Variants in DLC1 observed in about 807,000 individuals in gnomAD.
The protein encoded by DLC1 is rho GTPase-activating protein 7.
In DLC1, 54 loss-of-function variants were observed where a neutral mutation model predicts 140.3. The ratio of observed to expected loss-of-function variants is 0.38; its 90% CI spans 0.31 to 0.48. The LOEUF (loss-of-function observed/expected upper bound fraction) is 0.48. Among genes scored for constraint, DLC1 ranks in the 20% least tolerant of loss-of-function variants. DLC1 has a pLI of 0.96. For missense variants in DLC1, 2,536 were observed against 1,907.0 expected (o/e 1.33, Z -6.14); for synonymous variants, 986 against 728.1 (o/e 1.35, Z -5.70).
intron 5 of DLC1, among the ~76,000 whole-genome samples, chr8:13,159,696 G>C (rs184538950): frequency 6.0e-4 from 91 of 152,174 alleles, no homozygotes; most frequent in African/African-American, 2.0e-3. Flanking sequence ...CTCTCCAGAC[G>C]GCATCCAGGG....
chr8:13,272,387 G>A (rs766134576), intron 5 of DLC1, among the ~76,000 whole-genome samples: 19 of 152,196 alleles, frequency 1.2e-4, no homozygotes, highest in Admixed American at 1.2e-3. Flanking sequence ...GTTGCAGTGA[G>A]CGGAGATCAT....
chr8:13,205,688 G>A (rs986267447), intron 5 of DLC1, among the ~76,000 whole-genome samples: 14 of 152,202 alleles, frequency 9.2e-5, no homozygotes, highest in African/African-American at 3.4e-4. Context: ...ATTCAAAGCT[G>A]TCTTGGGATG....
At chr8:13,592,261 T>C (rs550419445) in intron 1 of DLC1, among the ~76,000 whole-genome samples, 13 of 152,264 alleles carry the variant, frequency 8.5e-5, no homozygotes, top group African/African-American at 2.4e-4. Context: ...TTACATTTTC[T>C]AGTGAGATAT....
At chr8:13,352,473 C>G (rs932590813) in intron 4 of DLC1, among the ~76,000 whole-genome samples, 2 of 152,108 alleles carry the variant, frequency 1.3e-5, no homozygotes, top group African/African-American at 4.8e-5. Context: ...CCTTGACCTC[C>G]TGGGCTCAAG....
chr8:13,232,269 C>T (rs572856157), intron 5 of DLC1, among the ~76,000 whole-genome samples: 4 of 152,220 alleles, frequency 2.6e-5, no homozygotes, highest in African/African-American at 9.6e-5. Context: ...TCCACAGTCG[C>T]TCACACACAC....
intron 8 of DLC1, 150 bp downstream of exon 8, chr8:13,102,640 T>C (rs1024993600): frequency 7.1e-6 from 5 of 703,112 alleles, no homozygotes; most frequent in Non-Finnish European, 1.2e-5. Context: ...TACATAAGGC[T>C]ATCAAGTCTA....
chr8:13,370,896 C>G (rs1338093888), intron 4 of DLC1, among the ~76,000 whole-genome samples: 1 of 152,176 alleles, frequency 6.6e-6, no homozygotes, highest in Non-Finnish European at 1.5e-5. Context: ...CTCCCCACCA[C>G]AACACAGCCA....
intron 1 of DLC1, among the ~76,000 whole-genome samples, chr8:13,508,768 A>AT (rs969342843): frequency 1.3e-4 from 19 of 151,130 alleles, no homozygotes; most frequent in Admixed American, 9.2e-4. Flanking sequence ...TCCATGTTTT[A>AT]TTTTTTTTTA....
chr8:13,148,230 C>T (rs1156791554), intron 5 of DLC1, among the ~76,000 whole-genome samples: 2 of 151,904 alleles, frequency 1.3e-5, no homozygotes, highest in Non-Finnish European at 2.9e-5. Flanking sequence ...ATTTCATCAC[C>T]CAGGAATTAA....
At chr8:13,378,271 C>G (rs1206768616) in intron 4 of DLC1, among the ~76,000 whole-genome samples, 1 of 150,898 alleles carries the variant, frequency 6.6e-6, no homozygotes, top group South Asian at 2.1e-4. Flanking sequence ...TTGTAAAAGT[C>G]TACCTGTCCT....
chr8:13,247,601 T>A (rs1158307557), intron 5 of DLC1, among the ~76,000 whole-genome samples: 4 of 152,202 alleles, frequency 2.6e-5, no homozygotes, highest in Non-Finnish European at 5.9e-5. Context: ...AGAATGGAGA[T>A]CTAAATCCCA....
intron 2 of DLC1, among the ~76,000 whole-genome samples, chr8:13,453,688 G>C (rs1419144315): frequency 6.8e-6 from 1 of 147,648 alleles, no homozygotes; most frequent in Admixed American, 6.9e-5. Context: ...TTATAGAAAT[G>C]ACTTTAGCCT....
chr8:13,570,008 G>C (rs1031663775), intron 1 of DLC1, among the ~76,000 whole-genome samples: 1 of 152,176 alleles, frequency 6.6e-6, no homozygotes, highest in Non-Finnish European at 1.5e-5. Flanking sequence ...TTGCAGGCAC[G>C]AGCCACTGTG....
intron 2 of DLC1, among the ~76,000 whole-genome samples, chr8:13,452,289 C>A (rs996092561): frequency 6.6e-6 from 1 of 151,868 alleles, no homozygotes; most frequent in African/African-American, 2.4e-5. Flanking sequence ...CAGCTTATAT[C>A]TATACTTGCC....
chr8:13,229,699 C>T (rs915465419), intron 5 of DLC1, among the ~76,000 whole-genome samples: 2 of 151,986 alleles, frequency 1.3e-5, no homozygotes, highest in African/African-American at 2.4e-5. Flanking sequence ...TTCTTGGATT[C>T]TAAATTGTAT....
At chr8:13,388,016 A>G (rs1481959186) in intron 4 of DLC1, among the ~76,000 whole-genome samples, 1 of 152,040 alleles carries the variant, frequency 6.6e-6, no homozygotes, top group Non-Finnish European at 1.5e-5. Context: ...AATTATATAT[A>G]AAATATGTAA....
At chr8:13,477,743 A>G (rs1800501504) in intron 2 of DLC1, among the ~76,000 whole-genome samples, 1 of 152,160 alleles carries the variant, frequency 6.6e-6, no homozygotes, top group African/African-American at 2.4e-5. Flanking sequence ...AGAAATGAAG[A>G]CACATAAATA....
At chr8:13,343,619 G>C (rs986008070) in intron 4 of DLC1, among the ~76,000 whole-genome samples, 10 of 152,134 alleles carry the variant, frequency 6.6e-5, no homozygotes, top group Non-Finnish European at 1.3e-4. Context: ...AAGAAAAAGA[G>C]GGTCTAGGAT....
intron 2 of DLC1, among the ~76,000 whole-genome samples, chr8:13,484,198 T>G (rs1800865944): frequency 6.6e-6 from 1 of 152,116 alleles, no homozygotes; most frequent in Non-Finnish European, 1.5e-5. Flanking sequence ...TAGCAGTAAT[T>G]TGAGGAAAAG....
Sources: gnomAD v4.1 joint callset for allele counts (sites outside exome capture counted in the v4.1 genomes callset) on GRCh38, gnomAD v4.1.1 for gene constraint, MANE v1.5 for transcripts, NCBI Gene and HGNC (gene_info 2026-07-23, HGNC 2026-07-21) for gene names.